The following SUSD6 variants were observed in gnomAD, a reference collection of about 807,000 sequenced individuals.
The protein encoded by SUSD6 is sushi domain-containing protein 6.
A neutral mutation model predicts 28.4 loss-of-function variants in SUSD6; 16 were observed. That is an observed-to-expected ratio of 0.56 (90% CI 0.38 to 0.86). The LOEUF is 0.86. SUSD6 is among the 40% of genes least tolerant of loss of function. The probability of loss-of-function intolerance (pLI) is 0.00; values close to 1 mark genes in which losing one functional copy is unlikely to be tolerated. For synonymous variants in SUSD6, 147 were observed against 159.6 expected, an observed-to-expected ratio of 0.92 and a Z score of 0.59; for missense variants, 341 against 384.2, an observed-to-expected ratio of 0.89 and a Z score of 0.94.
chr14:69,694,977 C>T (rs1427752708), intron 2 of SUSD6, among the ~76,000 whole-genome samples: 1 of 152,166 alleles, frequency 6.6e-6, no homozygotes, highest in African/African-American at 2.4e-5. Context: ...TGTTCTCCCA[C>T]CCCAGCTCTG....
At chr14:69,656,082 C>A (rs1385294025) in intron 1 of SUSD6, among the ~76,000 whole-genome samples, 1 of 146,558 alleles carries the variant, frequency 6.8e-6, no homozygotes, top group Non-Finnish European at 1.5e-5. Context: ...TTTTTTTTTT[C>A]TTTTCCTTCC....
intron 2 of SUSD6, among the ~76,000 whole-genome samples, chr14:69,692,038 C>CA (rs200335924): frequency 0.098 from 6,676 of 67,936 alleles, 384 homozygotes; most frequent in African/African-American, 0.23. Flanking sequence ...GACTCCGTCT[C>CA]AAAAAAAAAA....
At chr14:69,651,448 G>A (rs1000498067) in intron 1 of SUSD6, among the ~76,000 whole-genome samples, 10 of 152,214 alleles carry the variant, frequency 6.6e-5, no homozygotes, top group Non-Finnish European at 1.3e-4. Flanking sequence ...GGTAATGTTT[G>A]TGATTTGGAG....
At chr14:69,706,390 T>A (rs773360724) in intron 4 of SUSD6, among the ~76,000 whole-genome samples, 75 of 152,228 alleles carry the variant, frequency 4.9e-4, no homozygotes, top group Non-Finnish European at 7.3e-4. Flanking sequence ...TGTGTACATA[T>A]ATTACTTTTT....
chr14:69,694,239 G>A (rs1047125807), intron 2 of SUSD6, among the ~76,000 whole-genome samples: 2 of 152,236 alleles, frequency 1.3e-5, no homozygotes, highest in African/African-American at 4.8e-5. Context: ...TGAAGATGAT[G>A]TAATGGGAAC....
chr14:69,660,191 C>G (rs1885641945), intron 2 of SUSD6, among the ~76,000 whole-genome samples: 1 of 152,214 alleles, frequency 6.6e-6, no homozygotes. Context: ...CTTTCATTCT[C>G]TATCAGCTCC....
At chr14:69,635,093 A>T (rs1885245186) in intron 1 of SUSD6, among the ~76,000 whole-genome samples, 2 of 152,182 alleles carry the variant, frequency 1.3e-5, no homozygotes, top group Non-Finnish European at 2.9e-5. Context: ...GATAATGTTG[A>T]TGATGATGGA....
At chr14:69,614,363 G>A (rs928201292) in intron 1 of SUSD6, among the ~76,000 whole-genome samples, 5 of 152,200 alleles carry the variant, frequency 3.3e-5, no homozygotes, top group African/African-American at 4.8e-5. Context: ...CACCGTGCCC[G>A]GCCTGAACTT....
chr14:69,665,497 C>G (rs2139619335), intron 2 of SUSD6, among the ~76,000 whole-genome samples: 1 of 152,318 alleles, frequency 6.6e-6, no homozygotes, highest in East Asian at 1.9e-4. Flanking sequence ...AAACGATCCA[C>G]CCGCCTTGGC....
intron 2 of SUSD6, among the ~76,000 whole-genome samples, chr14:69,664,680 A>G (rs1352277711): frequency 6.6e-6 from 1 of 152,180 alleles, no homozygotes; most frequent in East Asian, 1.9e-4. Flanking sequence ...GTAACTTTCT[A>G]ATAAAAGAAA....
chr14:69,664,202 G>A lies in SUSD6; in HGVS notation c.121+5489G>A, dbSNP rs147496345. Among the ~76,000 whole-genome samples, 857 of 152,086 alleles carry A rather than the reference G, an allele frequency of 5.6e-3. 11 individuals are homozygous for A. The highest frequency in any genetic ancestry group is 0.019 in the African/African-American group (806 of 41,472). ...TCACAGTGTTAGCCAGGATGGTCTC[G>A]ATCTCCTGACCTCATGATCCTTCCA... On this transcript the variant is annotated intron_variant, in intron 2 of 5. Coordinates refer to ENST00000342745, the MANE Select transcript of SUSD6 (RefSeq NM_014734.4).
intron 1 of SUSD6, among the ~76,000 whole-genome samples, chr14:69,644,748 G>T (rs902064985): frequency 5.9e-5 from 9 of 152,106 alleles, no homozygotes; most frequent in Non-Finnish European, 8.8e-5. Context: ...GCCTAATTTG[G>T]ATTACTTTTG....
intron 4 of SUSD6, among the ~76,000 whole-genome samples, chr14:69,705,724 A>C (rs539210837): frequency 6.4e-4 from 97 of 152,312 alleles, no homozygotes; most frequent in African/African-American, 2.2e-3. Context: ...ACTGCACCAC[A>C]CTAAGGAGAA....
rs550918708 is a variant in SUSD6, at chr14:69,663,104, GATTA to G, written c.121+4395_121+4398del. On this transcript the variant is annotated intron_variant, in intron 2 of 5. Transcript: ENST00000342745. ...TTATCAAATTTGACCAGTAAGGAGG[GATTA>G]ATTTACTTCAGGAATCCCCATTGCT... 2.4e-4 allele frequency among the ~76,000 whole-genome samples: 36 copies of G among 152,286 alleles called. 1 individual carries two copies. The Middle Eastern group carries it at 0.017, about 72-fold the overall frequency.
At chr14:69,653,747 C>CTTTTTGTTTTT (rs1885538043) in intron 1 of SUSD6, among the ~76,000 whole-genome samples, 1 of 93,244 alleles carries the variant, frequency 1.1e-5, no homozygotes, top group African/African-American at 4.1e-5. Context: ...CCTAGTGAAA[C>CTTTTTGTTTTT]TTTTTTTTTT....
chr14:69,682,968 T>G (rs1034290849), intron 2 of SUSD6, among the ~76,000 whole-genome samples: 10 of 149,934 alleles, frequency 6.7e-5, no homozygotes, highest in African/African-American at 2.0e-4. Context: ...TTTTTTTTTT[T>G]TTTCACTTGG....
At chr14:69,694,239 G>C (rs1047125807) in intron 2 of SUSD6, among the ~76,000 whole-genome samples, 1 of 152,236 alleles carries the variant, frequency 6.6e-6, no homozygotes, top group Non-Finnish European at 1.5e-5. Flanking sequence ...TGAAGATGAT[G>C]TAATGGGAAC....
At chr14:69,680,796 TCTCTCAGAC>T (rs1170643752) in intron 2 of SUSD6, among the ~76,000 whole-genome samples, 3 of 152,196 alleles carry the variant, frequency 2.0e-5, no homozygotes, top group Admixed American at 1.3e-4. Context: ...ATCTTTTTTG[TCTCTCAGAC>T]CCTACAAAAC....
chr14:69,627,756 G>T (rs1000004320), intron 1 of SUSD6, among the ~76,000 whole-genome samples: 1 of 152,068 alleles, frequency 6.6e-6, no homozygotes, highest in Non-Finnish European at 1.5e-5. Flanking sequence ...GAGCCACCGT[G>T]CCCGGCCCAG....
Sources: gnomAD v4.1 joint callset for allele counts (sites outside exome capture counted in the v4.1 genomes callset) on GRCh38, gnomAD v4.1.1 for gene constraint, MANE v1.5 for transcripts, NCBI Gene and HGNC (gene_info 2026-07-23, HGNC 2026-07-21) for gene names.